Variants in ZPLD1 observed in about 807,000 individuals in gnomAD.
The protein encoded by ZPLD1 is zona pellucida like domain containing 1.
A neutral mutation model predicts 47.2 loss-of-function variants in ZPLD1; 34 were observed. That is an observed-to-expected ratio of 0.72 (90% confidence interval 0.55 to 0.96). The LOEUF (loss-of-function observed/expected upper bound fraction) is 0.96. Ranked by LOEUF, ZPLD1 falls within the 40% of genes least tolerant of loss-of-function variation. The pLI is 0.00. For synonymous variants in ZPLD1, 176 were observed against 186.2 expected (o/e 0.95, Z 0.45); for missense variants, 512 against 505.8 (o/e 1.01, Z -0.12).
intron 4 of ZPLD1, among the ~76,000 whole-genome samples, chr3:102,455,705 T>C (rs1389060909): frequency 6.6e-6 from 1 of 152,114 alleles, no homozygotes; most frequent in Non-Finnish European, 1.5e-5. Flanking sequence ...ACTAATATGA[T>C]GGAGATAAAC....
intron 7 of ZPLD1, among the ~76,000 whole-genome samples, chr3:102,405,568 T>C (rs553468787): frequency 6.6e-6 from 1 of 152,084 alleles, no homozygotes; most frequent in South Asian, 2.1e-4. Flanking sequence ...GGCTTTGAAT[T>C]CAAATGCATG....
In ZPLD1 at chr3:102,475,357, A is replaced by T. The variant is rs545405564; in HGVS notation, c.1043-1655A>T. ...CTTTTGTTAACCTTAGGATGCAGAA[A>T]ATAGCAGAAAGGGCATCTAGTCATA... is the stretch of plus-strand genomic sequence containing the variant. On this transcript the variant is annotated intron_variant, in intron 10 of 11. Coordinates refer to ENST00000466937, the MANE Select transcript of ZPLD1 (RefSeq NM_001329788.2). 5.9e-5 allele frequency among the ~76,000 whole-genome samples: 9 copies of T among 152,290 alleles called. No homozygotes were observed. In the South Asian group the frequency reaches 1.0e-3, roughly 18 times the overall value.
intron 8 of ZPLD1, 58 bp from the exon 9 acceptor site, chr3:102,468,906 G>A: frequency 1.3e-6 from 2 of 1,508,472 alleles, no homozygotes; most frequent in South Asian, 2.6e-5. Context: ...TAATTTACAA[G>A]TCCCAGTAGG....
intron 3 of ZPLD1, 51 bp downstream of exon 3, chr3:102,438,644 A>G (rs771587487): frequency 2.2e-6 from 3 of 1,385,014 alleles, no homozygotes; most frequent in Non-Finnish European, 3.1e-6. Context: ...GAGTGATTAT[A>G]TTTGAAGAGC....
chr3:102,410,764 T>C (rs1317546495), intron 7 of ZPLD1, among the ~76,000 whole-genome samples: 1 of 151,780 alleles, frequency 6.6e-6, no homozygotes, highest in African/African-American at 2.4e-5. Flanking sequence ...ACCTGCTGAC[T>C]GAGAACTGGC....
At chr3:102,411,191 A>T (rs1292123494) in intron 7 of ZPLD1, among the ~76,000 whole-genome samples, 1 of 151,784 alleles carries the variant, frequency 6.6e-6, no homozygotes. Context: ...GGAAAAAAAG[A>T]TGAGAGCTGG....
intron 4 of ZPLD1, 112 bp from the exon 5 acceptor site, chr3:102,456,081 T>C: frequency 7.8e-6 from 6 of 765,306 alleles, no homozygotes; most frequent in Non-Finnish European, 1.2e-5. Flanking sequence ...TCTCATTTTA[T>C]AGTTGAACTA....
At chr3:102,409,542 A>G (rs1706727539) in intron 7 of ZPLD1, among the ~76,000 whole-genome samples, 1 of 151,840 alleles carries the variant, frequency 6.6e-6, no homozygotes, top group African/African-American at 2.4e-5. Flanking sequence ...ATGTTAAACT[A>G]TCAAAGATAT....
chr3:102,456,214 A>G lies in ZPLD1; in HGVS notation c.349A>G (p.Ser117Gly), dbSNP rs1289606804. 3 of 1,613,098 alleles carry G rather than the reference A, an allele frequency of 1.9e-6. No individual in the cohort carries two copies. The Admixed American group carries it at 5.0e-5, about 27-fold the overall frequency. The change falls in exon 5 of 12, where the codon AGT becomes GGT. Residue 117 changes from serine (S) to glycine (G), a missense_variant. Transcript: ENST00000466937. ...ACAGGTATCCACAATTCCTGGAGTC[A>G]GTGCTTATGGAAATGCAACTTCAGT... is the stretch of plus-strand genomic sequence containing the variant. ...NLVVSTIPGVSAYGNATSVQV... is the reference protein window; with the variant it reads ...NLVVSTIPGVGAYGNATSVQV...
intron 3 of ZPLD1, among the ~76,000 whole-genome samples, chr3:102,446,741 C>G (rs1470221083): frequency 3.9e-5 from 6 of 152,192 alleles, no homozygotes; most frequent in Non-Finnish European, 8.8e-5. Flanking sequence ...TCAAACACCT[C>G]TTTGCTACCA....
intron 7 of ZPLD1, among the ~76,000 whole-genome samples, chr3:102,409,422 A>T (rs1361977256): frequency 6.6e-6 from 1 of 151,808 alleles, no homozygotes; most frequent in African/African-American, 2.4e-5. Flanking sequence ...AAATTTCAAC[A>T]TGGGTTTTGG....
At chr3:102,431,707 G>A (rs548164583), upstream of ZPLD1, among the ~76,000 whole-genome samples, 2 of 152,112 alleles carry the variant, frequency 1.3e-5, no homozygotes, top group South Asian at 2.1e-4. Context: ...TCAGGAGTTC[G>A]CAACCAGCCT....
intron 8 of ZPLD1, among the ~76,000 whole-genome samples, chr3:102,428,906 A>C (rs1209020862): frequency 6.6e-6 from 1 of 152,088 alleles, no homozygotes; most frequent in Admixed American, 6.6e-5. Context: ...TGCTAAAAAA[A>C]CCAACACGCA....
At chr3:102,411,448 T>C (rs993737054) in intron 7 of ZPLD1, among the ~76,000 whole-genome samples, 1 of 151,806 alleles carries the variant, frequency 6.6e-6, no homozygotes, top group Non-Finnish European at 1.5e-5. Context: ...AAAATAGTTA[T>C]TTATGCTTTG....
intron 7 of ZPLD1, among the ~76,000 whole-genome samples, chr3:102,463,020 T>C (rs566323282): frequency 1.3e-5 from 2 of 152,348 alleles, no homozygotes; most frequent in Admixed American, 1.3e-4. Context: ...ATTTAGTTCT[T>C]CTTTACCTTC....
intron 8 of ZPLD1, among the ~76,000 whole-genome samples, chr3:102,427,185 G>C (rs1706958594): frequency 6.6e-6 from 1 of 152,066 alleles, no homozygotes. Flanking sequence ...GCTTCCTAAA[G>C]GCCATTGAGA....
chr3:102,453,508 C>T lies in ZPLD1; in HGVS notation c.327+369C>T, dbSNP rs1234508858. Among the ~76,000 whole-genome samples, 6 of 152,110 alleles carry T rather than the reference C, an allele frequency of 3.9e-5. No individual in the cohort carries two copies. In the South Asian group the frequency reaches 8.3e-4, roughly 21 times the overall value. On this transcript the variant is annotated intron_variant, in intron 4 of 11. Transcript: ENST00000466937. Reference sequence around the variant, plus strand: ...TGTTCCAGTGAGTCTGGCAGTGAACCGCTTGGCCTGTTCTTTCAGTGACCT... The same window carrying T: ...TGTTCCAGTGAGTCTGGCAGTGAACTGCTTGGCCTGTTCTTTCAGTGACCT...
chr3:102,472,571 G>T (rs1707701942), intron 10 of ZPLD1, among the ~76,000 whole-genome samples: 1 of 151,340 alleles, frequency 6.6e-6, no homozygotes, highest in Non-Finnish European at 1.5e-5. Flanking sequence ...GCTTGTGAAA[G>T]TTCCATTTTT....
intron 7 of ZPLD1, among the ~76,000 whole-genome samples, chr3:102,392,869 C>G (rs2107285591): frequency 6.6e-6 from 1 of 152,182 alleles, no homozygotes; most frequent in African/African-American, 2.4e-5. Flanking sequence ...GTTGATTTCC[C>G]CATTAAGATG....
Sources: allele counts gnomAD v4.1 joint callset (sites outside exome capture counted in the v4.1 genomes callset), GRCh38; gene constraint gnomAD v4.1.1; transcripts MANE v1.5; gene names NCBI Gene and HGNC (gene_info 2026-07-23, HGNC 2026-07-21).